DDX3X: variants seen among roughly 807,000 people sequenced by gnomAD.
DDX3X encodes ATP-dependent RNA helicase DDX3X.
In DDX3X, 4 loss-of-function variants were observed where a neutral mutation model predicts 52.7. The observed-to-expected ratio is 0.08, with a 90% CI of 0.04 to 0.17. The LOEUF is 0.17. Ranked by LOEUF, DDX3X falls within the 10% of genes least tolerant of loss-of-function variation. The pLI, the probability that DDX3X is intolerant of heterozygous loss-of-function variation, is 1.00. For missense variants in DDX3X, 222 were observed against 548.6 expected (o/e 0.40, Z 5.95); for synonymous variants, 192 against 178.1 (o/e 1.08, Z -0.62).
intron 5 of DDX3X, chrX:41,364,210 G>A (rs1003481476): frequency 1.7e-5 from 5 of 294,177 alleles, no homozygotes; most frequent in East Asian, 4.8e-5. Context: ...TCCATGGGGC[G>A]GGTGCCCCTT....
intron 9 of DDX3X, 27 bp from the exon 10 acceptor site, chrX:41,344,212 A>C: frequency 8.3e-7 from 1 of 1,200,530 alleles, no homozygotes. Flanking sequence ...TTGACCTTGA[A>C]GTTCATAACA....
At position 41,348,872 on chromosome X, in the gene DDX3X, G is replaced by C. The variant is rs925932716; in HGVS notation, c.*1153G>C. ...AGAAGAGTAACAAACTGAAATCTTTGAGATCACACAGGTTGGAAATATGTA... is the reference window on the plus strand; with the variant it reads ...AGAAGAGTAACAAACTGAAATCTTTCAGATCACACAGGTTGGAAATATGTA... On this transcript the variant is annotated 3_prime_UTR_variant, in exon 17 of 17. Coordinates refer to ENST00000644876, the MANE Select transcript of DDX3X (RefSeq NM_001356.5). 8.9e-6 allele frequency: 1 copy of C among 112,582 alleles called. No individual in the cohort carries two copies. Among genetic ancestry groups the C allele is most frequent in the Non-Finnish European group, 1.9e-5 (1 of 53,252 alleles). The allele number at this position is 112,582 out of a possible 1,213,427, so 9.3% of individuals were successfully genotyped here. A position where few individuals can be genotyped will look rare whatever the true frequency, so the allele number is the denominator to read the frequency against.
At chrX:41,334,563 G>A (rs769033951) in intron 1 of DDX3X, 1 of 1,092,182 alleles carries the variant, frequency 9.2e-7, no homozygotes. Context: ...CGGAGGGGGA[G>A]GAAGTGCGCG....
intron 1 of DDX3X, chrX:41,336,251 T>C (rs980213634): frequency 4.5e-5 from 5 of 111,963 alleles, no homozygotes; most frequent in African/African-American, 1.6e-4. Flanking sequence ...ACACTTTGCA[T>C]GTATAGTTTT....
intron 15 of DDX3X, 97 bp from the exon 16 acceptor site, chrX:41,347,215 T>A (rs1412558311): frequency 9.6e-7 from 1 of 1,042,439 alleles, no homozygotes; most frequent in African/African-American, 1.9e-5. Context: ...GGGGAATTGT[T>A]TGAATGGAAA....
chrX:41,345,158 GTT>G lies in DDX3X; in HGVS notation c.1026-15_1026-14del. On this transcript the variant is annotated intron_variant, in intron 10 of 16. Coordinates refer to ENST00000644876, the MANE Select transcript of DDX3X (RefSeq NM_001356.5). Reference sequence around the variant, plus strand: ...CTCCTCAAATTCTAAACTCAGGCTTGTTTTTTTTCATGACATGACAGATACTT... The same window carrying G: ...CTCCTCAAATTCTAAACTCAGGCTTGTTTTTTCATGACATGACAGATACTT... 1 of 1,198,320 alleles carries G rather than the reference GTT, an allele frequency of 8.3e-7. No individual in the cohort carries two copies. The highest frequency in any genetic ancestry group is 3.0e-5 in the East Asian group (1 of 33,668).
chrX:41,358,322 C>T (rs1283460353), intron 5 of DDX3X, among the ~76,000 whole-genome samples: 9 of 109,737 alleles, frequency 8.2e-5, no homozygotes, highest in Admixed American at 2.0e-4. Context: ...GTGGTCTGCC[C>T]GCCTCGGCCT....
At chrX:41,357,674 G>T (rs923251789) in intron 5 of DDX3X, among the ~76,000 whole-genome samples, 1 of 110,684 alleles carries the variant, frequency 9.0e-6, no homozygotes, top group Non-Finnish European at 1.9e-5. Context: ...GAGCTCAGGC[G>T]ATCCTACCAC....
At chrX:41,341,236 T>C in intron 3 of DDX3X, 1 of 269,681 alleles carries the variant, frequency 3.7e-6, no homozygotes, top group Non-Finnish European at 6.5e-6. Flanking sequence ...CTGCCCGCCT[T>C]GGCCTCCCAA....
chrX:41,346,425 CT>C lies in DDX3X; in HGVS notation c.1497+18del. ...TGGCTACAGCAGTATGTATAAACAT[CT>C]TTCTTTTATTCAAATTGAGCATGTT... On this transcript the variant is annotated intron_variant, in intron 13 of 16. Transcript: ENST00000644876. 8.3e-7 allele frequency: 1 copy of C among 1,203,772 alleles called. No homozygotes were observed.
intron 5 of DDX3X, among the ~76,000 whole-genome samples, chrX:41,357,036 C>T (rs571186707): frequency 1.9e-5 from 2 of 102,971 alleles, no homozygotes; most frequent in African/African-American, 7.2e-5. Context: ...TGGGTTCAAG[C>T]GATTCTCCTG....
At chrX:41,360,511 C>T (rs1406670820) in intron 5 of DDX3X, among the ~76,000 whole-genome samples, 5 of 108,563 alleles carry the variant, frequency 4.6e-5, no homozygotes, top group Non-Finnish European at 5.8e-5. Context: ...GGCGTAATCT[C>T]GGCTCACCGC....
At chrX:41,354,804 C>T (rs2064001900), downstream of DDX3X, among the ~76,000 whole-genome samples, 1 of 96,451 alleles carries the variant, frequency 1.0e-5, no homozygotes, top group African/African-American at 4.0e-5. Flanking sequence ...CTGATCAATC[C>T]AAGTTGTTGT....
At position 41,348,163 on chromosome X, in the gene DDX3X, C is replaced by T. The variant is rs1172545984; in HGVS notation, c.*444C>T. 3.9e-6 allele frequency: 1 copy of T among 256,673 alleles called. No individual in the cohort carries two copies. The highest frequency in any genetic ancestry group is 6.9e-6 in the Non-Finnish European group (1 of 145,535). The allele number at this position is 256,673 out of a possible 1,213,427, so 21.2% of individuals were successfully genotyped here. Reference sequence around the variant, plus strand: ...ACCTTGGCACACAGGTGTGATACAACTTAACAGGAATCATCGATTCATCCA... The same window carrying T: ...ACCTTGGCACACAGGTGTGATACAATTTAACAGGAATCATCGATTCATCCA... On this transcript the variant is annotated 3_prime_UTR_variant, in exon 17 of 17. Transcript: ENST00000644876.
At chrX:41,353,100 C>T (rs1250410331), downstream of DDX3X, among the ~76,000 whole-genome samples, 4 of 110,882 alleles carry the variant, frequency 3.6e-5, no homozygotes, top group Non-Finnish European at 5.7e-5. Flanking sequence ...TTTCTTCTGC[C>T]TTTGCCTTAG....
At chrX:41,340,777 C>A (rs1057192544) in intron 3 of DDX3X, 1 of 294,841 alleles carries the variant, frequency 3.4e-6, no homozygotes, top group Admixed American at 6.2e-5. Flanking sequence ...TATGAATGTT[C>A]TAAATGAATA....
Position 41,346,918 on chromosome X carries a change from C to G in DDX3X, c.1675C>G (p.Leu559Val), listed in dbSNP as rs759495182. The change falls in exon 15 of 17, where the codon CTT becomes GTT. Residue 559 changes from leucine (L) to valine (V), a missense_variant. Leu to Val is a conservative substitution (Grantham distance 32, BLOSUM62 1). Coordinates refer to ENST00000644876, the MANE Select transcript of DDX3X (RefSeq NM_001356.5). ...NINITKDLLDLLVEAKQEVPS... is the reference protein window; with the variant it reads ...NINITKDLLDVLVEAKQEVPS... Reference sequence around the variant, plus strand: ...AAATATTACTAAGGATTTGTTGGATCTTCTTGTTGAAGCTAAACAAGAAGT... The same window carrying G: ...AAATATTACTAAGGATTTGTTGGATGTTCTTGTTGAAGCTAAACAAGAAGT... 8.3e-7 allele frequency: 1 copy of G among 1,209,418 alleles called. No individual in the cohort carries two copies. The highest frequency in any genetic ancestry group is 2.2e-5 in the Admixed American group (1 of 45,928).
chrX:41,344,187 G>A, intron 9 of DDX3X, 52 bp from the exon 10 acceptor site: 1 of 1,191,214 alleles, frequency 8.4e-7, no homozygotes, highest in Non-Finnish European at 1.1e-6. Context: ...AATGTTTTAT[G>A]AACATGTAAA....
rs2063877662 is a variant in DDX3X, at chrX:41,343,385, T to G, written c.679+34T>G. The G allele has an allele frequency of 2.6e-6, 3 of 1,157,572 alleles. No individual in the cohort carries two copies. The African/African-American group carries it at 5.5e-5, about 21-fold the overall frequency. ...AACTCATAAGAGTAAAACATCATAT[T>G]TCTTCTGTAAAGGACTAGACAATAA... On this transcript the variant is annotated intron_variant, in intron 7 of 16. Transcript: ENST00000644876.
Sources: allele counts gnomAD v4.1 joint callset (sites outside exome capture counted in the v4.1 genomes callset), GRCh38; gene constraint gnomAD v4.1.1; transcripts MANE v1.5; gene names NCBI Gene and HGNC (gene_info 2026-07-23, HGNC 2026-07-21).